DNAH12: variants seen among roughly 807,000 people sequenced by gnomAD.
DNAH12 encodes axonemal beta dynein heavy chain 12.
In DNAH12, 285 loss-of-function variants were observed where a neutral mutation model predicts 371.5. That is an observed-to-expected ratio of 0.77 (90% CI 0.70 to 0.85). The LOEUF is 0.85. DNAH12 is among the 40% of genes least tolerant of loss of function. The pLI is 0.00. For synonymous variants in DNAH12, 1,200 were observed against 1,213.0 expected (o/e 0.99, Z 0.22); for missense variants, 3,611 against 3,689.4 (o/e 0.98, Z 0.55).
chr3:57,448,271 G>A (rs572124712), intron 25 of DNAH12, among the ~76,000 whole-genome samples: 2 of 152,204 alleles, frequency 1.3e-5, no homozygotes, highest in Admixed American at 1.3e-4. Flanking sequence ...GTGGGTTCGT[G>A]GTCTCGCTGG....
chr3:57,314,473 T>C (rs2061644699), intron 66 of DNAH12, 21 bp downstream of exon 66: 1 of 1,550,662 alleles, frequency 6.4e-7, no homozygotes, highest in African/African-American at 1.4e-5. Context: ...TTCATGAATG[T>C]TAATTTCTTG....
At position 57,419,967 on chromosome 3, in the gene DNAH12, A is replaced by G. The variant is rs550188543; in HGVS notation, c.5563-449T>C. ...CTGGGTTTTGGCTTTACTTTTTTAT[A>G]TTTTAAAACAAATGGGCAATAATCT... On this transcript the variant is annotated intron_variant, in intron 36 of 73. Coordinates refer to ENST00000495027, the MANE Select transcript of DNAH12 (RefSeq NM_001366028.2). Among the ~76,000 whole-genome samples the G allele has an allele frequency of 2.7e-4, 41 of 152,274 alleles. No individual in the cohort carries two copies. The South Asian group carries it at 8.1e-3, about 30-fold the overall frequency.
At chr3:57,361,444 C>CACTATA (rs1409626573) in intron 58 of DNAH12, among the ~76,000 whole-genome samples, 12 of 116,694 alleles carry the variant, frequency 1.0e-4, no homozygotes, top group South Asian at 2.7e-4. Context: ...CACACACACA[C>CACTATA]TATATATATA....
At chr3:57,428,454 T>A (rs1313210127) in intron 34 of DNAH12, 179 bp downstream of exon 34, 1 of 1,532,670 alleles carries the variant, frequency 6.5e-7, no homozygotes, top group Admixed American at 2.1e-5. Context: ...TTAGCTGGAA[T>A]AATTCAACCC....
intron 58 of DNAH12, among the ~76,000 whole-genome samples, chr3:57,361,432 TACAC>T (rs1162520302): frequency 1.7e-4 from 22 of 126,360 alleles, no homozygotes; most frequent in Admixed American, 3.4e-4. Context: ...TATATATATA[TACAC>T]ACACACACTA....
intron 37 of DNAH12, 111 bp downstream of exon 37, chr3:57,419,256 G>A (rs1046578813): frequency 6.8e-5 from 74 of 1,088,764 alleles, no homozygotes; most frequent in Non-Finnish European, 8.3e-5. Context: ...AAGTCCCCCA[G>A]GATTTCAGTT....
At chr3:57,481,768 A>T (rs979044000) in intron 13 of DNAH12, among the ~76,000 whole-genome samples, 2 of 151,880 alleles carry the variant, frequency 1.3e-5, no homozygotes, top group Admixed American at 6.6e-5. Context: ...ATAATGCCGC[A>T]TATCTACAAC....
intron 12 of DNAH12, among the ~76,000 whole-genome samples, chr3:57,484,678 A>T (rs1342945742): frequency 6.6e-6 from 1 of 152,162 alleles, no homozygotes; most frequent in South Asian, 2.1e-4. Flanking sequence ...CAAAAACAAA[A>T]ATAAATAAAT....
intron 60 of DNAH12, among the ~76,000 whole-genome samples, chr3:57,346,852 T>C (rs2062555187): frequency 6.6e-6 from 1 of 152,212 alleles, no homozygotes; most frequent in African/African-American, 2.4e-5. Context: ...AGGAAAATTA[T>C]TGGGAATTAA....
chr3:57,495,992 T>C (rs1443013615), intron 11 of DNAH12, among the ~76,000 whole-genome samples: 2 of 142,328 alleles, frequency 1.4e-5, no homozygotes, highest in South Asian at 2.1e-4. Flanking sequence ...TTATATATAT[T>C]ATATATATAT....
chr3:57,546,704 A>G (rs1464896082), upstream of DNAH12, among the ~76,000 whole-genome samples: 1 of 152,208 alleles, frequency 6.6e-6, no homozygotes, highest in Non-Finnish European at 1.5e-5. Context: ...AATCTTGTGT[A>G]TGATATACCC....
At chr3:57,406,025 T>A in intron 40 of DNAH12, 73 bp from the exon 41 acceptor site, 1 of 1,395,822 alleles carries the variant, frequency 7.2e-7, no homozygotes, top group Non-Finnish European at 9.6e-7. Context: ...CAGTGGAATG[T>A]TATACAAAAT....
Position 57,319,063 on chromosome 3 carries a change from T to A in DNAH12, c.10524+3280A>T, listed in dbSNP as rs529949967. ...TTATTGCATCAATGTTTTGTAGTTT[T>A]CAGTGTATATATCTTTCACCTCCTC... On this transcript the variant is annotated intron_variant, in intron 65 of 73. Transcript: ENST00000495027. Among the ~76,000 whole-genome samples the A allele has an allele frequency of 2.0e-5, 3 of 152,344 alleles. No homozygotes were observed. The East Asian group carries it at 5.8e-4, about 29-fold the overall frequency.
intron 30 of DNAH12, among the ~76,000 whole-genome samples, chr3:57,434,708 G>A (rs931729705): frequency 6.6e-6 from 1 of 152,146 alleles, no homozygotes; most frequent in Non-Finnish European, 1.5e-5. Context: ...AATGAATGAT[G>A]AAACATTTGG....
At chr3:57,432,781 G>A (rs2064995806) in intron 32 of DNAH12, among the ~76,000 whole-genome samples, 1 of 152,102 alleles carries the variant, frequency 6.6e-6, no homozygotes, top group African/African-American at 2.4e-5. Context: ...GAACATGAGT[G>A]AACCTTGTAG....
intron 41 of DNAH12, 65 bp downstream of exon 41, chr3:57,405,588 C>A: frequency 7.0e-7 from 1 of 1,430,646 alleles, no homozygotes; most frequent in Non-Finnish European, 9.3e-7. Context: ...AAAAATATAA[C>A]TTAATTGTAA....
rs1211815764 is a variant in DNAH12, at chr3:57,389,798, A to ATGTGTGTGTGTGTGTGTGTGTGTGTG, written c.7305+2073_7305+2074insCACACACACACACACACACACACACA. Among the ~76,000 whole-genome samples the ATGTGTGTGTGTGTGTGTGTGTGTGTG allele has an allele frequency of 9.7e-5, 9 of 92,602 alleles. No individual in the cohort carries two copies. The South Asian group carries it at 1.6e-3, about 16-fold the overall frequency. 60.8% of individuals were successfully genotyped at this position (92,602 alleles called of 152,430 possible). A position where few individuals can be genotyped will look rare whatever the true frequency, so the allele number is the denominator to read the frequency against. On this transcript the variant is annotated intron_variant, in intron 45 of 73. Transcript: ENST00000495027. ...TATACATATAAATATATATACACAT[A>ATGTGTGTGTGTGTGTGTGTGTGTGTG]TGTGTGTGTGTGTGTGTGTGTGTGT...
At chr3:57,538,927 C>T (rs1423397647) in intron 2 of DNAH12, among the ~76,000 whole-genome samples, 1 of 152,158 alleles carries the variant, frequency 6.6e-6, no homozygotes, top group African/African-American at 2.4e-5. Context: ...AGAATTATTG[C>T]TTTTTACCCC....
Position 57,489,646 on chromosome 3 carries a change from A to C in DNAH12, c.1377T>G (p.Leu459=). The C allele has an allele frequency of 6.5e-7, 1 of 1,530,384 alleles. No homozygotes were observed. Among genetic ancestry groups the C allele is most frequent in the Non-Finnish European group, 8.8e-7 (1 of 1,141,266 alleles). 94.8% of individuals were successfully genotyped at this position (1,530,384 alleles called of 1,614,324 possible). A position where few individuals can be genotyped will look rare whatever the true frequency, so the allele number is the denominator to read the frequency against. Residue 459 remains leucine (L), a synonymous_variant, in exon 12 of 74, where the codon CTT becomes CTG. Coordinates refer to ENST00000495027, the MANE Select transcript of DNAH12 (RefSeq NM_001366028.2). ...KFLSLASEIM[L]LPQWIHYTMV... Reference sequence around the variant, plus strand: ...TAGTGTAATGAATCCACTGAGGCAAAAGCATTATTTCTGAGGCAAGACTGA... The same window carrying C: ...TAGTGTAATGAATCCACTGAGGCAACAGCATTATTTCTGAGGCAAGACTGA...
Sources: gnomAD v4.1 joint callset for allele counts (sites outside exome capture counted in the v4.1 genomes callset) on GRCh38, gnomAD v4.1.1 for gene constraint, MANE v1.5 for transcripts, NCBI Gene and HGNC (gene_info 2026-07-23, HGNC 2026-07-21) for gene names.